Variants in FBXL2 observed in about 807,000 individuals in gnomAD.
FBXL2 encodes the protein F-box/LRR-repeat protein 2.
FBXL2 carries 38 observed loss-of-function variants against 69.2 expected under a neutral mutation model. That is an observed-to-expected ratio of 0.55 (90% CI 0.42 to 0.72). The LOEUF is 0.72. Ranked by LOEUF, FBXL2 falls within the 30% of genes least tolerant of loss-of-function variation. FBXL2 has a pLI of 0.00. For missense variants in FBXL2, 354 were observed against 520.3 expected (o/e 0.68, Z 3.11); for synonymous variants, 192 against 201.3 (o/e 0.95, Z 0.39).
chr3:33,297,644 C>CTTT lies in FBXL2; in HGVS notation c.4-11_4-9dup. 4.4e-6 allele frequency: 5 copies of CTTT among 1,136,902 alleles called. No homozygotes were observed. The highest frequency in any genetic ancestry group is 2.5e-5 in the Admixed American group (1 of 40,094). 70.4% of individuals were successfully genotyped at this position (1,136,902 alleles called of 1,614,324 possible). A position where few individuals can be genotyped will look rare whatever the true frequency, so the allele number is the denominator to read the frequency against. On this transcript the variant is annotated intron_variant, in intron 1 of 14. Transcript: ENST00000484457. ...GATTAAAGAACATTTTCACAATTTC[C>CTTT]TTTTTTTTTTTCTTTCCAGGTTTTC...
chr3:33,365,288 T>G (rs1356606192), intron 5 of FBXL2, among the ~76,000 whole-genome samples: 2 of 151,684 alleles, frequency 1.3e-5, no homozygotes, highest in Non-Finnish European at 2.9e-5. Context: ...TGGGGTTTTT[T>G]TTTTTTTTTG....
chr3:33,389,126 T>C (rs562071547), downstream of FBXL2: 11 of 152,732 alleles, frequency 7.2e-5, no homozygotes, highest in Non-Finnish European at 1.5e-4. Context: ...TGGATTCCCT[T>C]TGAAAAGTAT....
At chr3:33,299,454 G>A (rs1352830785) in intron 2 of FBXL2, among the ~76,000 whole-genome samples, 1 of 152,130 alleles carries the variant, frequency 6.6e-6, no homozygotes, top group East Asian at 1.9e-4. Flanking sequence ...AACATTTGGG[G>A]AATGACTATG....
At chr3:33,320,285 C>T (rs925227660) in intron 2 of FBXL2, among the ~76,000 whole-genome samples, 3 of 151,914 alleles carry the variant, frequency 2.0e-5, no homozygotes, top group Non-Finnish European at 4.4e-5. Context: ...TGCATGGGTA[C>T]AGGATATAAC....
chr3:33,348,071 G>C lies in FBXL2; in HGVS notation c.66-10896G>C, dbSNP rs767362324. ...TTTTGCTTTAGTTGCCTGTGCTTGT[G>C]GGGTATTACTCAAGAAATGTTTGCC... is the stretch of plus-strand genomic sequence containing the variant. On this transcript the variant is annotated intron_variant, in intron 2 of 14. Coordinates refer to ENST00000484457, the MANE Select transcript of FBXL2 (RefSeq NM_012157.5). Among the ~76,000 whole-genome samples, 3 of 152,026 alleles carry C rather than the reference G, an allele frequency of 2.0e-5. No homozygotes were observed. The South Asian group carries it at 6.2e-4, about 32-fold the overall frequency.
At chr3:33,378,812 T>C in intron 13 of FBXL2, 71 bp downstream of exon 13, 1 of 1,612,972 alleles carries the variant, frequency 6.2e-7, no homozygotes, top group Non-Finnish European at 8.5e-7. Flanking sequence ...AACAAGAAGC[T>C]GTTTGGGTTC....
chr3:33,394,817 GTTT>G (rs76142927), intron 12 of FBXL2, among the ~76,000 whole-genome samples: 3 of 110,442 alleles, frequency 2.7e-5, no homozygotes, highest in African/African-American at 8.8e-5. Flanking sequence ...CCCTCCACTT[GTTT>G]TTTTTTTTTT....
At chr3:33,280,836 A>C (rs2033914993) in intron 1 of FBXL2, among the ~76,000 whole-genome samples, 1 of 152,030 alleles carries the variant, frequency 6.6e-6, no homozygotes, top group Non-Finnish European at 1.5e-5. Flanking sequence ...ATTGTTTAAC[A>C]CTTTATTGTG....
At chr3:33,368,743 C>T (rs1348408810) in intron 5 of FBXL2, among the ~76,000 whole-genome samples, 12 of 151,890 alleles carry the variant, frequency 7.9e-5, no homozygotes, top group Admixed American at 7.9e-4. Flanking sequence ...TGTGCCACCA[C>T]GCCCAGCTAA....
At chr3:33,322,064 ATTTTTTTTTTTTTTT>A (rs34703817) in intron 2 of FBXL2, among the ~76,000 whole-genome samples, 2 of 62,480 alleles carry the variant, frequency 3.2e-5, no homozygotes, top group Admixed American at 2.4e-4. Context: ...TGACTAGGTG[ATTTTTTTTTTTTTTT>A]TTTTTTTTTT....
intron 1 of FBXL2, among the ~76,000 whole-genome samples, chr3:33,285,779 C>T (rs990959770): frequency 2.0e-5 from 3 of 152,262 alleles, no homozygotes; most frequent in Admixed American, 6.5e-5. Flanking sequence ...CACTTCATTT[C>T]GTTCATTTGA....
At chr3:33,357,282 T>C (rs1421880164) in intron 2 of FBXL2, among the ~76,000 whole-genome samples, 1 of 152,184 alleles carries the variant, frequency 6.6e-6, no homozygotes. Flanking sequence ...ACCCAATCCC[T>C]GCATGAAATA....
At chr3:33,332,881 T>C (rs2039277460) in intron 2 of FBXL2, among the ~76,000 whole-genome samples, 1 of 152,234 alleles carries the variant, frequency 6.6e-6, no homozygotes, top group Admixed American at 6.5e-5. Context: ...AATGCATGAT[T>C]GTATATAAGT....
chr3:33,377,248 T>C (rs1296650215), intron 10 of FBXL2, 25 bp from the exon 11 acceptor site: 2 of 1,610,198 alleles, frequency 1.2e-6, no homozygotes. Context: ...TACCGTTTTC[T>C]CCCCTGTACC....
At chr3:33,406,198 G>C (rs986289217), downstream of FBXL2, among the ~76,000 whole-genome samples, 1 of 152,180 alleles carries the variant, frequency 6.6e-6, no homozygotes, top group African/African-American at 2.4e-5. Context: ...AGGACTGCTT[G>C]AGGAGATTGA....
chr3:33,406,868 A>G (rs370574652), downstream of FBXL2, among the ~76,000 whole-genome samples: 1 of 152,220 alleles, frequency 6.6e-6, no homozygotes. Context: ...GAAGACCAAC[A>G]GACACACTAA....
Position 33,365,743 on chromosome 3 carries a change from AAACAAACAAACC to A in FBXL2, c.290+1030_290+1041del, listed in dbSNP as rs544928579. On this transcript the variant is annotated intron_variant, in intron 5 of 14. Coordinates refer to ENST00000484457, the MANE Select transcript of FBXL2 (RefSeq NM_012157.5). ...CGACCAAACAAACAAACAAACAAAC[AAACAAACAAACC>A]AACAACAATTTGTGCTTTGAGGATT... is the stretch of plus-strand genomic sequence containing the variant. 5.6e-3 allele frequency among the ~76,000 whole-genome samples: 775 copies of A among 138,008 alleles called. 6 individuals carry two copies. Among genetic ancestry groups the A allele is most frequent in the African/African-American group, 0.018 (661 of 36,540 alleles). The allele number at this position is 138,008 out of a possible 152,430, so 90.5% of individuals were successfully genotyped here. A position where few individuals can be genotyped will look rare whatever the true frequency, so the allele number is the denominator to read the frequency against.
chr3:33,397,451 G>A (rs541491991), intron 12 of FBXL2: 45 of 178,892 alleles, frequency 2.5e-4, no homozygotes, highest in Middle Eastern at 2.2e-3. Context: ...TGACTGGGTT[G>A]TGGCTATGTG....
downstream of FBXL2, among the ~76,000 whole-genome samples, chr3:33,408,295 T>C (rs1339595250): frequency 6.6e-6 from 1 of 152,124 alleles, no homozygotes; most frequent in East Asian, 1.9e-4. Context: ...AGCAAGACCC[T>C]TTTCAGTTAC....
Sources: allele counts gnomAD v4.1 joint callset (sites outside exome capture counted in the v4.1 genomes callset), GRCh38; gene constraint gnomAD v4.1.1; transcripts MANE v1.5; gene names NCBI Gene and HGNC (gene_info 2026-07-23, HGNC 2026-07-21).